DNER: variants seen among roughly 807,000 people sequenced by gnomAD.
DNER encodes delta and Notch-like epidermal growth factor-related receptor.
DNER carries 33 observed loss-of-function variants against 78.2 expected under a neutral mutation model. That is an observed-to-expected ratio of 0.42 (90% CI 0.32 to 0.56). The LOEUF is 0.56. DNER is among the 20% of genes least tolerant of loss of function. DNER has a pLI of 0.11. For synonymous variants in DNER, 417 were observed against 384.8 expected, an observed-to-expected ratio of 1.08 and a Z score of -0.98; for missense variants, 918 against 975.3, an observed-to-expected ratio of 0.94 and a Z score of 0.78.
chr2:229,437,336 G>A (rs1694143186), intron 8 of DNER, among the ~76,000 whole-genome samples: 1 of 152,200 alleles, frequency 6.6e-6, no homozygotes, highest in African/African-American at 2.4e-5. Flanking sequence ...TAAAACTGAA[G>A]CTGTTCTGTA....
intron 11 of DNER, among the ~76,000 whole-genome samples, chr2:229,378,833 C>G (rs1218146577): frequency 6.6e-6 from 1 of 152,156 alleles, no homozygotes; most frequent in Admixed American, 6.5e-5. Context: ...TGTGTGCACT[C>G]TGGATCCTCA....
chr2:229,482,619 A>T (rs796719401), intron 6 of DNER, among the ~76,000 whole-genome samples: 8 of 152,314 alleles, frequency 5.3e-5, no homozygotes, highest in African/African-American at 1.9e-4. Flanking sequence ...ACCAGAAAGA[A>T]TCATGAGAGG....
At chr2:229,502,996 A>G (rs1309825472) in intron 6 of DNER, among the ~76,000 whole-genome samples, 1 of 152,164 alleles carries the variant, frequency 6.6e-6, no homozygotes, top group Non-Finnish European at 1.5e-5. Context: ...ACTGGTAATA[A>G]CAACTATAAT....
intron 11 of DNER, among the ~76,000 whole-genome samples, chr2:229,373,465 G>A (rs79375017): frequency 0.068 from 10,355 of 152,168 alleles, 1,130 homozygotes; most frequent in African/African-American, 0.23. Context: ...GCAAGGCTGA[G>A]GGAAAAAGGG....
In DNER at chr2:229,662,941, A is replaced by G. The variant is rs149175781; in HGVS notation, c.276+51207T>C. Among the ~76,000 whole-genome samples, 200 of 152,270 alleles carry G rather than the reference A, an allele frequency of 1.3e-3. 1 individual carries two copies. Among genetic ancestry groups the G allele is most frequent in the African/African-American group, 4.5e-3 (185 of 41,564 alleles). ...ATCCAGTCTGTTCTGCCCATTCACA[A>G]CTTGGTTTATGTAGCATGAGACAGC... On this transcript the variant is annotated intron_variant, in intron 1 of 12. Coordinates refer to ENST00000341772, the MANE Select transcript of DNER (RefSeq NM_139072.4).
At chr2:229,383,852 G>A (rs750213221) in intron 11 of DNER, among the ~76,000 whole-genome samples, 14 of 152,118 alleles carry the variant, frequency 9.2e-5, no homozygotes, top group Admixed American at 2.0e-4. Flanking sequence ...ACAGATCCAC[G>A]AGACAGAAGA....
chr2:229,603,787 C>T (rs1697879711), intron 1 of DNER, among the ~76,000 whole-genome samples: 1 of 149,808 alleles, frequency 6.7e-6, no homozygotes, highest in South Asian at 2.1e-4. Flanking sequence ...AATTTTTGTG[C>T]ATATTTTGTG....
intron 1 of DNER, among the ~76,000 whole-genome samples, chr2:229,676,652 G>A (rs537709698): frequency 6.6e-6 from 1 of 152,284 alleles, no homozygotes. Context: ...AATTAGATGG[G>A]AGATCTTTTT....
intron 6 of DNER, among the ~76,000 whole-genome samples, chr2:229,501,428 T>C (rs1695621328): frequency 6.6e-6 from 1 of 150,876 alleles, no homozygotes; most frequent in Non-Finnish European, 1.5e-5. Context: ...AGATTACCCA[T>C]AACTAAAAAA....
At chr2:229,448,544 T>G (rs1401383820) in intron 7 of DNER, among the ~76,000 whole-genome samples, 1 of 152,242 alleles carries the variant, frequency 6.6e-6, no homozygotes, top group Non-Finnish European at 1.5e-5. Context: ...TAAAATTTTA[T>G]GTTATATAAA....
intron 4 of DNER, among the ~76,000 whole-genome samples, chr2:229,574,616 T>C (rs2396693): frequency 0.85 from 129,055 of 152,140 alleles, 55,441 homozygotes; most frequent in Non-Finnish European, 0.92. Context: ...GGGCGGGTTA[T>C]AGGAGAAGAA....
At chr2:229,400,210 A>G (rs1693237911) in intron 10 of DNER, among the ~76,000 whole-genome samples, 1 of 152,086 alleles carries the variant, frequency 6.6e-6, no homozygotes, top group African/African-American at 2.4e-5. Flanking sequence ...GTAACAAACT[A>G]GAGTTGGAGA....
chr2:229,702,404 T>C (rs1253304264), intron 1 of DNER, among the ~76,000 whole-genome samples: 1 of 151,898 alleles, frequency 6.6e-6, no homozygotes, highest in Non-Finnish European at 1.5e-5. Context: ...AGCGTGGTGG[T>C]GCATGCCTAT....
In DNER at chr2:229,369,304, GTTAAAAAAAAGT is replaced by G; in HGVS notation, c.1856-2197_1856-2186del. Among the ~76,000 whole-genome samples the G allele has an allele frequency of 2.7e-5, 4 of 147,704 alleles. No homozygotes were observed. In the South Asian group the frequency reaches 6.3e-4, roughly 23 times the overall value. The stretch of plus-strand genomic sequence containing the variant: ...AAAAAAAGTTTTAACTTTCTAAAAA[GTTAAAAAAAAGT>G]TTTAACTTTCTAAAAAGTTAAAAAA... On this transcript the variant is annotated intron_variant, in intron 11 of 12. Coordinates refer to ENST00000341772, the MANE Select transcript of DNER (RefSeq NM_139072.4).
intron 7 of DNER, among the ~76,000 whole-genome samples, chr2:229,454,331 G>T (rs1368084569): frequency 1.3e-5 from 2 of 152,146 alleles, no homozygotes; most frequent in Admixed American, 6.6e-5. Flanking sequence ...TTTTTGTTTT[G>T]CTTTGCTTTA....
chr2:229,666,104 G>C (rs1699088281), intron 1 of DNER, among the ~76,000 whole-genome samples: 1 of 152,096 alleles, frequency 6.6e-6, no homozygotes, highest in South Asian at 2.1e-4. Flanking sequence ...ATTGTATCCT[G>C]CAATGGCCTA....
chr2:229,604,794 C>T (rs911145823), intron 1 of DNER, among the ~76,000 whole-genome samples: 30 of 152,224 alleles, frequency 2.0e-4, no homozygotes, highest in African/African-American at 7.0e-4. Context: ...TTTGGGTATC[C>T]AACTTCATTT....
At chr2:229,663,455 C>T (rs1003803123) in intron 1 of DNER, among the ~76,000 whole-genome samples, 5 of 152,176 alleles carry the variant, frequency 3.3e-5, no homozygotes, top group East Asian at 1.9e-4. Context: ...AAGTGATTTC[C>T]GTGTCGCATT....
rs1692942785 is a variant in DNER at position 229,388,295 on chromosome 2, G to A, written c.1825C>T (p.His609Tyr). ...TCACAGTTTGCTCCCACCCAACCAT[G>A]CGGGCAGTGGCAGTTATAACCATTG... The part of the protein sequence containing the change: ...QPNGYNCHCP[H>Y]GWVGANCEIH... Residue 609 changes from histidine to tyrosine, a missense_variant, in exon 11 of 13, where the codon CAT becomes TAT. Physicochemically the swap from His to Tyr is moderately conservative, Grantham distance 83. Coordinates refer to ENST00000341772, the MANE Select transcript of DNER (RefSeq NM_139072.4). 1 of 1,610,916 alleles carries A rather than the reference G, an allele frequency of 6.2e-7. No individual in the cohort carries two copies. The highest frequency in any genetic ancestry group is 8.5e-7 in the Non-Finnish European group (1 of 1,178,382).
Sources: gnomAD v4.1 joint callset for allele counts (sites outside exome capture counted in the v4.1 genomes callset) on GRCh38, gnomAD v4.1.1 for gene constraint, MANE v1.5 for transcripts, NCBI Gene and HGNC (gene_info 2026-07-23, HGNC 2026-07-21) for gene names.